Variants in SLC25A28 observed in about 807,000 individuals in gnomAD.
SLC25A28 encodes the protein mitoferrin-2.
Under a neutral mutation model 31.9 loss-of-function variants are expected in SLC25A28, and 10 were observed. The ratio of observed to expected loss-of-function variants is 0.31; its 90% CI spans 0.19 to 0.53. SLC25A28 has a LOEUF of 0.53. SLC25A28 is among the 20% of genes least tolerant of loss of function. SLC25A28 has a pLI of 0.95. For missense variants in SLC25A28, 256 were observed against 490.3 expected, an observed-to-expected ratio of 0.52 and a Z score of 4.51; for synonymous variants, 208 against 203.6, an observed-to-expected ratio of 1.02 and a Z score of -0.19.
chr10:99,628,832 C>CA, the SLC25A28 span, among the ~76,000 whole-genome samples: 8 of 152,096 alleles, frequency 5.3e-5, no homozygotes, highest in Middle Eastern at 3.4e-3. Context: ...AAAAACAAAA[C>CA]AAAAAAACCC....
the SLC25A28 span, among the ~76,000 whole-genome samples, chr10:99,629,988 C>T: frequency 1.3e-5 from 2 of 151,966 alleles, no homozygotes; most frequent in Non-Finnish European, 2.9e-5. Context: ...AGCCTGGGCA[C>T]CATAGGGAAA....
At chr10:99,628,460 GTTTTCA>G in the SLC25A28 span, among the ~76,000 whole-genome samples, 1 of 152,150 alleles carries the variant, frequency 6.6e-6, no homozygotes, top group African/African-American at 2.4e-5. Flanking sequence ...CAGTAAAAAC[GTTTTCA>G]TTTTCCTTTG....
chr10:99,615,184 G>A (rs947817468), intron 1 of SLC25A28, among the ~76,000 whole-genome samples: 3 of 152,070 alleles, frequency 2.0e-5, no homozygotes, highest in South Asian at 2.1e-4. Context: ...GTGAAACCCC[G>A]TCTCTATTAA....
the SLC25A28 span, among the ~76,000 whole-genome samples, chr10:99,628,679 G>A: frequency 6.6e-6 from 1 of 152,130 alleles, no homozygotes; most frequent in Non-Finnish European, 1.5e-5. Flanking sequence ...TAATTAGCCG[G>A]GTGTGGTGGC....
In SLC25A28 at chr10:99,613,797, C is replaced by G. The variant is rs942976825; in HGVS notation, c.419G>C (p.Gly140Ala). The change falls in exon 2 of 4, where the codon GGC becomes GCC. Residue 140 changes from glycine to alanine, a missense_variant. Around this residue, in one of 4 missense-constraint regions of SLC25A28, gnomAD observed 158 missense variants for 379.1 expected, o/e 0.42. Transcript: ENST00000370495. This position sits in a 1 kb window ranked among gnomAD's most constrained non-coding sequence, Gnocchi z 4.9. ...ATAAAGGGCGTGGGCAGGCCCTGCG[C>G]CTGTTGCTGTGACGTTCAGCCCCCT... ...PMRGLNVTAT[G>A]AGPAHALYFA... 2 of 1,614,138 alleles carry G rather than the reference C, an allele frequency of 1.2e-6. 1 individual carries two copies. Among genetic ancestry groups the G allele is most frequent in the East Asian group, 4.5e-5 (2 of 44,896 alleles).
At chr10:99,616,893 G>C in intron 1 of SLC25A28, 1 of 932,462 alleles carries the variant, frequency 1.1e-6, no homozygotes, top group Non-Finnish European at 1.3e-6. Context: ...ATGAATAAAT[G>C]TATGTAAGGT....
At chr10:99,620,603 A>G, upstream of SLC25A28, 3 of 1,005,124 alleles carry the variant, frequency 3.0e-6, no homozygotes, top group Non-Finnish European at 3.6e-6. Context: ...TAGCGCCTAC[A>G]TCCCACCTTT....
the SLC25A28 span, among the ~76,000 whole-genome samples, chr10:99,642,226 G>A: frequency 1.3e-5 from 2 of 152,080 alleles, no homozygotes; most frequent in Admixed American, 6.5e-5. Context: ...ATTTGTTTGT[G>A]TCCTCTTTTA....
At chr10:99,643,824 C>T in the SLC25A28 span, among the ~76,000 whole-genome samples, 5 of 152,144 alleles carry the variant, frequency 3.3e-5, no homozygotes, top group Admixed American at 3.3e-4. Flanking sequence ...TCATTATGTA[C>T]CCAGTAGTCA....
At chr10:99,620,857 A>C, upstream of SLC25A28, 2 of 985,468 alleles carry the variant, frequency 2.0e-6, no homozygotes, top group South Asian at 4.7e-5. Flanking sequence ...TAGCGCCTGC[A>C]GAGCTGCGGT....
At chr10:99,617,622 A>T in intron 1 of SLC25A28, 2 of 985,446 alleles carry the variant, frequency 2.0e-6, no homozygotes, top group African/African-American at 3.5e-5. Context: ...AAAAGTGTTT[A>T]ACATACTCAC....
the SLC25A28 span, among the ~76,000 whole-genome samples, chr10:99,635,403 T>A: frequency 6.6e-6 from 1 of 152,092 alleles, no homozygotes; most frequent in African/African-American, 2.4e-5. Context: ...CACCAACTGC[T>A]GGGCACGATG....
chr10:99,626,708 A>T, the SLC25A28 span, among the ~76,000 whole-genome samples: 1 of 152,174 alleles, frequency 6.6e-6, no homozygotes, highest in East Asian at 1.9e-4. Flanking sequence ...TAAGGGCAAA[A>T]CATGGCTTTA....
chr10:99,655,161 T>C, the SLC25A28 span, among the ~76,000 whole-genome samples: 1 of 152,342 alleles, frequency 6.6e-6, no homozygotes, highest in Middle Eastern at 3.4e-3. Context: ...GATTAAAATG[T>C]AGATCTTATC....
chr10:99,641,857 G>A, the SLC25A28 span, among the ~76,000 whole-genome samples: 1 of 152,194 alleles, frequency 6.6e-6, no homozygotes, highest in South Asian at 2.1e-4. Context: ...TGTCAGGTTT[G>A]TCAAAGATCA....
chr10:99,638,849 C>A, the SLC25A28 span, among the ~76,000 whole-genome samples: 1 of 152,146 alleles, frequency 6.6e-6, no homozygotes, highest in Non-Finnish European at 1.5e-5. Flanking sequence ...GGAACGTAAA[C>A]TAGTACAGCC....
chr10:99,648,072 C>T, the SLC25A28 span, among the ~76,000 whole-genome samples: 3 of 151,824 alleles, frequency 2.0e-5, no homozygotes, highest in African/African-American at 7.3e-5. Flanking sequence ...GACATCGGCT[C>T]ACTGTAGCCC....
chr10:99,622,352 C>T (rs527913054), upstream of SLC25A28, among the ~76,000 whole-genome samples: 292 of 152,122 alleles, frequency 1.9e-3, 2 homozygotes, highest in Middle Eastern at 0.02. Flanking sequence ...TTAAAAGGAA[C>T]TTCTCCCCCA....
chr10:99,611,310 C>T lies in SLC25A28; in HGVS notation c.634G>A (p.Val212Ile). Residue 212 changes from valine (V) to isoleucine (I), a missense_variant, in exon 4 of 4, where the codon GTA becomes ATA. Coordinates refer to ENST00000370495, the MANE Select transcript of SLC25A28 (RefSeq NM_031212.4). The surrounding 1 kb of genome is among the most constrained non-coding windows in gnomAD (Gnocchi z 5.5). Reference protein sequence around the residue: ...NSPYHRVTDCVRAVWQNEGAG... With the variant: ...NSPYHRVTDCIRAVWQNEGAG... The stretch of plus-strand genomic sequence containing the variant: ...CCTTCATTTTGCCACACTGCCCGTA[C>T]ACAGTCTGTCACCCGGTGGTATGGT... 6.2e-7 allele frequency: 1 copy of T among 1,614,142 alleles called. No homozygotes were observed. The highest frequency in any genetic ancestry group is 2.2e-5 in the East Asian group (1 of 44,870).
Sources: allele counts gnomAD v4.1 joint callset (sites outside exome capture counted in the v4.1 genomes callset), GRCh38; gene constraint gnomAD v4.1.1; regional missense constraint gnomAD v4.1.1; non-coding constraint Gnocchi (gnomAD v3.1); transcripts MANE v1.5; gene names NCBI Gene and HGNC (gene_info 2026-07-23, HGNC 2026-07-21).